ACMSD: variants seen among roughly 807,000 people sequenced by gnomAD.
ACMSD encodes 2-amino-3-carboxymuconate-6-semialdehyde decarboxylase.
ACMSD carries 37 observed loss-of-function variants against 45.9 expected under a neutral mutation model. The observed-to-expected ratio is 0.81, with a 90% confidence interval of 0.62 to 1.06. The LOEUF (loss-of-function observed/expected upper bound fraction) is 1.06. Ranked by LOEUF, ACMSD falls within the 50% of genes least tolerant of loss-of-function variation. ACMSD has a pLI of 0.00. For missense variants in ACMSD, 434 were observed against 420.9 expected (o/e 1.03, Z -0.27); for synonymous variants, 138 against 148.8 (o/e 0.93, Z 0.53).
intron 8 of ACMSD, among the ~76,000 whole-genome samples, chr2:134,885,359 T>TAA (rs1454413123): frequency 0.035 from 3,853 of 108,868 alleles, 175 homozygotes; most frequent in East Asian, 0.13. Flanking sequence ...AATATATATT[T>TAA]ACATATATAT....
At chr2:134,889,310 C>T (rs1689641078) in intron 8 of ACMSD, among the ~76,000 whole-genome samples, 1 of 152,296 alleles carries the variant, frequency 6.6e-6, no homozygotes, top group South Asian at 2.1e-4. Flanking sequence ...ACATCAGTAG[C>T]AGTTATCACT....
chr2:134,859,196 C>A, intron 2 of ACMSD, 65 bp from the exon 3 acceptor site: 2 of 1,305,692 alleles, frequency 1.5e-6, no homozygotes, highest in Admixed American at 1.7e-5. Context: ...TTCTAAAGCA[C>A]ATGAGGAAAG....
At chr2:134,867,762 T>C in intron 6 of ACMSD, 90 bp downstream of exon 6, 1 of 1,026,894 alleles carries the variant, frequency 9.7e-7, no homozygotes, top group Non-Finnish European at 1.5e-6. Flanking sequence ...ATAGGGAAAG[T>C]ATGAATAATT....
At chr2:134,843,048 G>A (rs1336753994) in intron 1 of ACMSD, among the ~76,000 whole-genome samples, 2 of 152,178 alleles carry the variant, frequency 1.3e-5, no homozygotes, top group African/African-American at 4.8e-5. Flanking sequence ...CTACATTAAG[G>A]ATAAAAATTC....
rs1023295725 is a variant in ACMSD at position 134,883,402 on chromosome 2, G to C, written c.849+10761G>C. Among the ~76,000 whole-genome samples, 5 of 152,274 alleles carry C rather than the reference G, an allele frequency of 3.3e-5. No homozygotes were observed. The East Asian group carries it at 9.6e-4, about 29-fold the overall frequency. On this transcript the variant is annotated intron_variant, in intron 8 of 9. Transcript: ENST00000356140. ...GAAATGGAATCAACAGTCATCCAAG[G>C]CCATATCATATGACTCCTTAACCCA...
intron 2 of ACMSD, among the ~76,000 whole-genome samples, chr2:134,858,916 A>G (rs1306652323): frequency 6.8e-6 from 1 of 147,468 alleles, no homozygotes; most frequent in African/African-American, 2.5e-5. Context: ...TAGAACTACC[A>G]TTTTCCAGAC....
Position 134,870,974 on chromosome 2 carries a change from C to A in ACMSD, c.590C>A (p.Ala197Glu). 1 of 1,613,850 alleles carries A rather than the reference C, an allele frequency of 6.2e-7. No homozygotes were observed. The highest frequency in any genetic ancestry group is 1.1e-5 in the South Asian group (1 of 91,058). Residue 197 changes from alanine to glutamate, a missense_variant, in exon 7 of 10, where the codon GCA becomes GAA. Transcript: ENST00000356140. Reference sequence around the variant, plus strand: ...CTATTTCCTCTTTCAGGAATGCCAGCAGAGACCACCATAGCCATTTGCTCC... The same window carrying A: ...CTATTTCCTCTTTCAGGAATGCCAGAAGAGACCACCATAGCCATTTGCTCC... ...YWLPWLVGMP[A>E]ETTIAICSMI... is the part of the protein sequence containing the mutation.
At chr2:134,840,671 T>G (rs1397748905) in intron 1 of ACMSD, among the ~76,000 whole-genome samples, 1 of 152,110 alleles carries the variant, frequency 6.6e-6, no homozygotes, top group African/African-American at 2.4e-5. Context: ...GCTTCCAAAC[T>G]CCCTCTCCTT....
chr2:134,868,096 T>G (rs1688203250), intron 6 of ACMSD, among the ~76,000 whole-genome samples: 1 of 152,134 alleles, frequency 6.6e-6, no homozygotes, highest in South Asian at 2.1e-4. Flanking sequence ...GTCTAGTAAA[T>G]TTTTTAGACG....
chr2:134,897,060 G>C (rs1690195419), intron 8 of ACMSD, among the ~76,000 whole-genome samples: 1 of 151,672 alleles, frequency 6.6e-6, no homozygotes, highest in Non-Finnish European at 1.5e-5. Flanking sequence ...ATAATTAGTG[G>C]AAATGATTAC....
In ACMSD at chr2:134,863,606, C is replaced by G. The variant is rs779680562; in HGVS notation, c.461C>G (p.Ala154Gly). 2 of 1,614,184 alleles carry G rather than the reference C, an allele frequency of 1.2e-6. No individual in the cohort carries two copies. Among genetic ancestry groups the G allele is most frequent in the Admixed American group, 3.3e-5 (2 of 60,036 alleles). The change falls in exon 5 of 10, where the codon GCG becomes GGG. Residue 154 changes from alanine (A) to glycine (G), a missense_variant. Ala to Gly is a moderately conservative substitution (Grantham distance 60, BLOSUM62 0). Transcript: ENST00000356140. Reference protein sequence around the residue: ...GTHVNEWDLNAQELFPVYAAA... With the variant: ...GTHVNEWDLNGQELFPVYAAA... Reference sequence around the variant, plus strand: ...CACGTCAACGAGTGGGACCTGAACGCGCAGGAGCTCTTTCCTGTCTATGCG... The same window carrying G: ...CACGTCAACGAGTGGGACCTGAACGGGCAGGAGCTCTTTCCTGTCTATGCG...
At chr2:134,844,431 G>C (rs879889927) in intron 1 of ACMSD, 9 of 152,228 alleles carry the variant, frequency 5.9e-5, no homozygotes, top group Non-Finnish European at 8.8e-5. Context: ...CACCAGTAGA[G>C]TGAGGAAGTG....
intron 8 of ACMSD, among the ~76,000 whole-genome samples, chr2:134,890,787 A>G (rs1413639688): frequency 2.0e-5 from 3 of 152,030 alleles, no homozygotes; most frequent in African/African-American, 7.2e-5. Context: ...AATCTGGGTG[A>G]AGATTACATG....
chr2:134,860,563 T>C (rs1364767032), intron 3 of ACMSD, among the ~76,000 whole-genome samples: 1 of 151,998 alleles, frequency 6.6e-6, no homozygotes, highest in Non-Finnish European at 1.5e-5. Flanking sequence ...CAAAGACAAA[T>C]TGTAAGAAGT....
At chr2:134,852,725 G>C (rs1687400753) in intron 2 of ACMSD, among the ~76,000 whole-genome samples, 1 of 152,154 alleles carries the variant, frequency 6.6e-6, no homozygotes, top group Admixed American at 6.5e-5. Flanking sequence ...GTTGCTTCCT[G>C]ATGACAAGGT....
intron 6 of ACMSD, among the ~76,000 whole-genome samples, chr2:134,869,807 G>A (rs1228550477): frequency 6.6e-6 from 1 of 152,120 alleles, no homozygotes; most frequent in Non-Finnish European, 1.5e-5. Context: ...TCCCAGCAGA[G>A]AAGTGTCATG....
intron 2 of ACMSD, among the ~76,000 whole-genome samples, chr2:134,855,845 T>C (rs914609945): frequency 6.6e-6 from 1 of 152,184 alleles, no homozygotes; most frequent in Non-Finnish European, 1.5e-5. Flanking sequence ...GTCTTGTCTA[T>C]GGAGTAGAAG....
intron 8 of ACMSD, among the ~76,000 whole-genome samples, chr2:134,877,902 T>C (rs1392143485): frequency 6.6e-6 from 1 of 152,192 alleles, no homozygotes; most frequent in Admixed American, 6.5e-5. Context: ...TCAAAGGATT[T>C]GAAGGCATAT....
intron 2 of ACMSD, among the ~76,000 whole-genome samples, chr2:134,855,884 A>C (rs1687557438): frequency 6.6e-6 from 1 of 152,210 alleles, no homozygotes; most frequent in African/African-American, 2.4e-5. Flanking sequence ...ATTCATGATC[A>C]AGCCAAGAGG....
Sources: allele counts gnomAD v4.1 joint callset (sites outside exome capture counted in the v4.1 genomes callset), GRCh38; gene constraint gnomAD v4.1.1; transcripts MANE v1.5; gene names NCBI Gene and HGNC (gene_info 2026-07-23, HGNC 2026-07-21).